Variants in PCDH15 observed in about 807,000 individuals in gnomAD.
PCDH15 encodes protocadherin related 15, also known as protocadherin-15.
A neutral mutation model predicts 178.5 loss-of-function variants in PCDH15; 129 were observed. The observed-to-expected ratio is 0.72, with a 90% CI of 0.63 to 0.84. PCDH15 has a LOEUF of 0.84. Among genes scored for constraint, PCDH15 ranks in the 40% least tolerant of loss-of-function variants. PCDH15 has a pLI of 0.00. For missense variants in PCDH15, 2,230 were observed against 2,099.9 expected, an observed-to-expected ratio of 1.06 and a Z score of -1.21; for synonymous variants, 800 against 732.0, an observed-to-expected ratio of 1.09 and a Z score of -1.50.
intron 28 of PCDH15, among the ~76,000 whole-genome samples, chr10:53,850,942 A>G (rs2078317660): frequency 6.6e-6 from 1 of 152,188 alleles, no homozygotes; most frequent in South Asian, 2.1e-4. Context: ...CATATTGAAC[A>G]GATGGGTCTA....
rs117601178 is a variant in PCDH15, at chr10:55,273,257, C to A, written c.-156+46342G>T. Among the ~76,000 whole-genome samples the A allele has an allele frequency of 9.0e-3, 1,365 of 152,012 alleles. 17 individuals are homozygous for A. The highest frequency in any genetic ancestry group is 0.028 in the South Asian group (136 of 4,814). ...TTTTACACAAGAGTAAGTGGTTGAA[C>A]AAAGATTTAAATTCTGGGTAATATG... On this transcript the variant is annotated intron_variant, in intron 1 of 5. Coordinates refer to the PCDH15 transcript ENST00000458638.
chr10:55,244,043 T>C (rs929715776), intron 1 of PCDH15, among the ~76,000 whole-genome samples: 2 of 152,090 alleles, frequency 1.3e-5, no homozygotes, highest in Non-Finnish European at 2.9e-5. Context: ...AAATCATTAA[T>C]GTCAATTAAA....
chr10:54,023,084 G>A lies in PCDH15; in HGVS notation c.2334C>T (p.Asn778=). ...NGSIYTAVKL[N]REVRDYYELV... ...GTTCATAGTAGTCCCTGACTTCTCTGTTAAGCTTCACTGCTGTGTAAATGC... is the reference window on the plus strand; with the variant it reads ...GTTCATAGTAGTCCCTGACTTCTCTATTAAGCTTCACTGCTGTGTAAATGC... Residue 778 remains asparagine (N), a synonymous_variant, in exon 19 of 38, where the codon AAC becomes AAT. Coordinates refer to ENST00000644397, the MANE Select transcript of PCDH15 (RefSeq NM_001384140.1). 1 of 1,613,936 alleles carries A rather than the reference G, an allele frequency of 6.2e-7. No individual in the cohort carries two copies. Among genetic ancestry groups the A allele is most frequent in the Non-Finnish European group, 8.5e-7 (1 of 1,179,900 alleles).
At chr10:54,283,622 T>G (rs2058841994) in intron 8 of PCDH15, among the ~76,000 whole-genome samples, 1 of 152,030 alleles carries the variant, frequency 6.6e-6, no homozygotes, top group African/African-American at 2.4e-5. Flanking sequence ...AAATATTGAC[T>G]AATAAAAACA....
intron 1 of PCDH15, among the ~76,000 whole-genome samples, chr10:54,779,039 C>G (rs1949996202): frequency 6.6e-6 from 1 of 152,008 alleles, no homozygotes; most frequent in South Asian, 2.1e-4. Flanking sequence ...ATATTTACAA[C>G]CTCTAATTCA....
At chr10:54,778,459 T>C (rs1949940827) in intron 1 of PCDH15, among the ~76,000 whole-genome samples, 1 of 152,174 alleles carries the variant, frequency 6.6e-6, no homozygotes, top group Non-Finnish European at 1.5e-5. Context: ...GCTTTTCTGC[T>C]ATACAGAAGC....
intron 2 of PCDH15, among the ~76,000 whole-genome samples, chr10:54,997,064 G>A (rs951338579): frequency 2.0e-5 from 3 of 148,870 alleles, no homozygotes; most frequent in East Asian, 2.0e-4. Context: ...AGCTGAGATC[G>A]CACCACTGCA....
chr10:55,167,333 C>T lies in PCDH15; in HGVS notation c.-155-682G>A, dbSNP rs184431598. On this transcript the variant is annotated intron_variant, in intron 1 of 5. Transcript: ENST00000458638. ...GTTTTGCCATGTTGCCCAGGCTTGT[C>T]TCAAACTTCTGGGCTCAAGTGATTC... is the stretch of plus-strand genomic sequence containing the variant. 2.7e-3 allele frequency among the ~76,000 whole-genome samples: 416 copies of T among 152,180 alleles called. 3 individuals carry two copies. Among genetic ancestry groups the T allele is most frequent in the African/African-American group, 9.6e-3 (397 of 41,510 alleles).
At chr10:55,033,198 GCAGGAGGGGGCAGGGGGAC>G in intron 2 of PCDH15, among the ~76,000 whole-genome samples, 1 of 152,134 alleles carries the variant, frequency 6.6e-6, no homozygotes, top group Admixed American at 6.5e-5. Flanking sequence ...GAGGCATAGT[GCAGGAGGGGGCAGGGGGAC>G]AGCTACATCA....
chr10:54,993,951 A>AT (rs536247562), intron 2 of PCDH15, among the ~76,000 whole-genome samples: 1 of 152,110 alleles, frequency 6.6e-6, no homozygotes, highest in East Asian at 1.9e-4. Flanking sequence ...TGAAAATAAC[A>AT]TTTTTTCAAA....
At chr10:55,225,718 A>C (rs749440119) in intron 1 of PCDH15, among the ~76,000 whole-genome samples, 4 of 151,866 alleles carry the variant, frequency 2.6e-5, no homozygotes, top group Non-Finnish European at 4.4e-5. Context: ...GGATTAATTA[A>C]CTATGAGTGT....
At chr10:54,563,823 T>A (rs2088590010) in intron 2 of PCDH15, among the ~76,000 whole-genome samples, 1 of 152,128 alleles carries the variant, frequency 6.6e-6, no homozygotes, top group African/African-American at 2.4e-5. Context: ...CAAATACTTT[T>A]AAAAATACAA....
chr10:54,146,911 A>ATATATATAGTGTGTG (rs1250204532), intron 14 of PCDH15, among the ~76,000 whole-genome samples: 1 of 145,828 alleles, frequency 6.9e-6, no homozygotes, highest in Non-Finnish European at 1.5e-5. Flanking sequence ...TATATAGTGT[A>ATATATATAGTGTGTG]TATATATAGT....
At chr10:53,842,910 C>T (rs957741223) in intron 28 of PCDH15, among the ~76,000 whole-genome samples, 1 of 152,174 alleles carries the variant, frequency 6.6e-6, no homozygotes, top group Admixed American at 6.6e-5. Context: ...ATTGATTTGA[C>T]ATGTTCCAAG....
At chr10:55,196,605 A>G (rs1386140526) in intron 1 of PCDH15, among the ~76,000 whole-genome samples, 1 of 152,120 alleles carries the variant, frequency 6.6e-6, no homozygotes, top group Non-Finnish European at 1.5e-5. Context: ...ACAATCTCTA[A>G]TTATAAACTT....
chr10:54,555,150 C>T (rs1019644301), intron 2 of PCDH15, among the ~76,000 whole-genome samples: 2 of 152,134 alleles, frequency 1.3e-5, no homozygotes. Flanking sequence ...CATTAACAGA[C>T]AGTATCAAGG....
chr10:54,484,571 T>G (rs537311233), intron 3 of PCDH15, among the ~76,000 whole-genome samples: 1 of 151,946 alleles, frequency 6.6e-6, no homozygotes, highest in South Asian at 2.1e-4. Context: ...AGCATAGGAG[T>G]GAATAGTAGC....
At chr10:54,541,978 A>T (rs1015336280) in intron 2 of PCDH15, among the ~76,000 whole-genome samples, 5 of 152,220 alleles carry the variant, frequency 3.3e-5, no homozygotes, top group African/African-American at 1.2e-4. Context: ...AGTTATGTGT[A>T]CTTAAGCTGC....
intron 2 of PCDH15, among the ~76,000 whole-genome samples, chr10:55,024,797 C>T (rs1840433025): frequency 6.6e-6 from 1 of 152,094 alleles, no homozygotes; most frequent in African/African-American, 2.4e-5. Flanking sequence ...CTGCCATTCC[C>T]ACTGCCACTG....
Sources: allele counts gnomAD v4.1 joint callset (sites outside exome capture counted in the v4.1 genomes callset), GRCh38; gene constraint gnomAD v4.1.1; transcripts MANE v1.5; gene names NCBI Gene and HGNC (gene_info 2026-07-23, HGNC 2026-07-21).